RNF111: variants seen among roughly 807,000 people sequenced by gnomAD.
The protein encoded by RNF111 is E3 ubiquitin-protein ligase Arkadia.
Under a neutral mutation model 95.1 loss-of-function variants are expected in RNF111, and 17 were observed. The ratio of observed to expected loss-of-function variants is 0.18; its 90% confidence interval spans 0.12 to 0.27. The LOEUF (loss-of-function observed/expected upper bound fraction) is 0.27, where lower values mean the gene tolerates loss of function less well. Ranked by LOEUF, RNF111 falls within the 10% of genes least tolerant of loss-of-function variation. RNF111 has a pLI of 1.00. For synonymous variants in RNF111, 440 were observed against 414.8 expected (o/e 1.06, Z -0.74); for missense variants, 1,189 against 1,210.4 (o/e 0.98, Z 0.26).
intron 2 of RNF111, among the ~76,000 whole-genome samples, chr15:59,034,422 T>TAA (rs1567231819): frequency 6.6e-6 from 1 of 152,216 alleles, no homozygotes; most frequent in African/African-American, 2.4e-5. Context: ...GTGATGATAA[T>TAA]AAAAATATCT....
chr15:59,076,637 A>C (rs1341405444), intron 7 of RNF111, among the ~76,000 whole-genome samples: 1 of 152,200 alleles, frequency 6.6e-6, no homozygotes, highest in East Asian at 1.9e-4. Context: ...AGGCAGGAGG[A>C]TGGCTTGAGG....
chr15:59,055,531 C>T lies in RNF111; in HGVS notation c.1008-151C>T, dbSNP rs1006694060. On this transcript the variant is annotated intron_variant, in intron 3 of 13. Coordinates refer to ENST00000348370, the MANE Select transcript of RNF111 (RefSeq NM_017610.8). ...TATATTCTTAGGTCAATTAGTTTACCGAGTGCCAGTCATGATTTTTAATTA... is the reference window on the plus strand; with the variant it reads ...TATATTCTTAGGTCAATTAGTTTACTGAGTGCCAGTCATGATTTTTAATTA... The T allele has an allele frequency of 9.5e-5, 31 of 324,656 alleles. No homozygotes were observed. The African/African-American group carries it at 1.7e-3, about 18-fold the overall frequency. The allele number at this position is 324,656 out of a possible 1,614,324, so 20.1% of individuals were successfully genotyped here. A position where few individuals can be genotyped will look rare whatever the true frequency, so the allele number is the denominator to read the frequency against.
intron 1 of RNF111, among the ~76,000 whole-genome samples, chr15:59,023,245 C>A (rs2141674222): frequency 6.6e-6 from 1 of 152,120 alleles, no homozygotes; most frequent in South Asian, 2.1e-4. Context: ...AAGACTCAAT[C>A]TCAAAGAAAA....
chr15:59,012,607 A>G (rs956147722), intron 1 of RNF111, among the ~76,000 whole-genome samples: 16 of 152,352 alleles, frequency 1.1e-4, no homozygotes, highest in Admixed American at 7.8e-4. Flanking sequence ...GGATGTTTTA[A>G]TAGAAAAATT....
Position 59,026,925 on chromosome 15 carries a change from C to G in RNF111, c.-19-3879C>G, listed in dbSNP as rs375305172. On this transcript the variant is annotated intron_variant, in intron 1 of 13. Coordinates refer to ENST00000348370, the MANE Select transcript of RNF111 (RefSeq NM_017610.8). Reference sequence around the variant, plus strand: ...ATACACCAAACCACCCCCCCTTGCTCTCCTCTACCCTTGTCTCATTGGACA... The same window carrying G: ...ATACACCAAACCACCCCCCCTTGCTGTCCTCTACCCTTGTCTCATTGGACA... Among the ~76,000 whole-genome samples, 5 of 152,296 alleles carry G rather than the reference C, an allele frequency of 3.3e-5. No homozygotes were observed. In the East Asian group the frequency reaches 9.6e-4, roughly 29 times the overall value.
In RNF111 at chr15:59,062,051, C is replaced by CTTT. The variant is rs71119429; in HGVS notation, c.1366+3518_1366+3520dup. Among the ~76,000 whole-genome samples the CTTT allele has an allele frequency of 1.1e-3, 138 of 122,240 alleles. 2 individuals carry two copies. The Middle Eastern group carries it at 0.028, about 25-fold the overall frequency. The allele number at this position is 122,240 out of a possible 152,430, so 80.2% of individuals were successfully genotyped here. On this transcript the variant is annotated intron_variant, in intron 5 of 13. Coordinates refer to ENST00000348370, the MANE Select transcript of RNF111 (RefSeq NM_017610.8). ...TGACCACTATATTTGTTTTAAACTT[C>CTTT]TTTTTTTTTTTTTTTTTTTCCCCGA... is the stretch of plus-strand genomic sequence containing the variant.
chr15:59,028,425 A>G (rs139093709), intron 1 of RNF111, among the ~76,000 whole-genome samples: 1 of 152,084 alleles, frequency 6.6e-6, no homozygotes, highest in Non-Finnish European at 1.5e-5. Flanking sequence ...AGTTTAATTT[A>G]TAAATTAGGC....
intron 6 of RNF111, among the ~76,000 whole-genome samples, chr15:59,069,513 G>A (rs540784033): frequency 6.6e-6 from 1 of 152,184 alleles, no homozygotes; most frequent in East Asian, 1.9e-4. Context: ...GCTTGAGTCA[G>A]TTGTAGGTAG....
At chr15:59,074,702 A>T (rs988296619) in intron 6 of RNF111, among the ~76,000 whole-genome samples, 1 of 152,164 alleles carries the variant, frequency 6.6e-6, no homozygotes, top group African/African-American at 2.4e-5. Context: ...TCAGTTTCTT[A>T]TCATTTGTGT....
intron 2 of RNF111, among the ~76,000 whole-genome samples, chr15:59,050,548 C>T (rs894327018): frequency 5.3e-5 from 8 of 152,002 alleles, no homozygotes; most frequent in Admixed American, 4.6e-4. Context: ...CAAAATGGAC[C>T]GTAAAATACG....
chr15:59,018,558 A>G (rs965334526), intron 1 of RNF111, among the ~76,000 whole-genome samples: 4 of 152,308 alleles, frequency 2.6e-5, no homozygotes, highest in Admixed American at 6.5e-5. Context: ...TTAGAAAAAA[A>G]ACAAACTATA....
At chr15:58,993,084 G>A (rs1219853116) in intron 1 of RNF111, among the ~76,000 whole-genome samples, 1 of 151,596 alleles carries the variant, frequency 6.6e-6, no homozygotes, top group Non-Finnish European at 1.5e-5. Context: ...GCAGGAGAAT[G>A]ACTTGAACCC....
intron 1 of RNF111, among the ~76,000 whole-genome samples, chr15:58,990,923 G>A (rs1458033514): frequency 6.6e-6 from 1 of 152,014 alleles, no homozygotes; most frequent in African/African-American, 2.4e-5. Flanking sequence ...CAGATTCTTG[G>A]TAACAGCTGG....
intron 5 of RNF111, among the ~76,000 whole-genome samples, chr15:59,059,791 C>T (rs2042357156): frequency 6.6e-6 from 1 of 152,154 alleles, no homozygotes; most frequent in South Asian, 2.1e-4. Flanking sequence ...GATAATGGTA[C>T]AGAGATAGGA....
chr15:59,022,453 C>T (rs2040392754), intron 1 of RNF111, among the ~76,000 whole-genome samples: 1 of 152,202 alleles, frequency 6.6e-6, no homozygotes, highest in African/African-American at 2.4e-5. Flanking sequence ...ACTTTGACTT[C>T]CAGATTCTGA....
intron 2 of RNF111, among the ~76,000 whole-genome samples, chr15:59,034,301 G>A (rs1373832690): frequency 1.3e-5 from 2 of 152,086 alleles, no homozygotes; most frequent in Non-Finnish European, 2.9e-5. Context: ...TGTATCTTAA[G>A]GAATAATTAC....
rs1231138118 is a variant in RNF111, at chr15:59,096,238, C to T, written c.*1338C>T. The stretch of plus-strand genomic sequence containing the variant: ...ATTATTATCAAGATACTTTCATATA[C>T]AGGATAGCCTAATTTTATTTGTTTA... On this transcript the variant is annotated 3_prime_UTR_variant, in exon 14 of 14. Coordinates refer to ENST00000348370, the MANE Select transcript of RNF111 (RefSeq NM_017610.8). 11 of 394,354 alleles carry T rather than the reference C, an allele frequency of 2.8e-5. No homozygotes were observed. The highest frequency in any genetic ancestry group is 4.9e-5 in the Non-Finnish European group (11 of 223,638). The allele number at this position is 394,354 out of a possible 1,614,324, so 24.4% of individuals were successfully genotyped here.
chr15:59,028,099 T>TTGG (rs199608380), intron 1 of RNF111, among the ~76,000 whole-genome samples: 4,106 of 152,310 alleles, frequency 0.027, 108 homozygotes, highest in African/African-American at 0.062. Flanking sequence ...AGTGTAGGGT[T>TTGG]TGGCCACCGC....
At position 59,091,168 on chromosome 15, in the gene RNF111, C is replaced by G. The variant is rs774769225; in HGVS notation, c.2739+14C>G. ...AAATACAAAAAGGTAAGAATTTATT[C>G]TATGAAACTTCTGGAGTGTTACTGA... is the stretch of plus-strand genomic sequence containing the variant. On this transcript the variant is annotated intron_variant, in intron 12 of 13. Coordinates refer to ENST00000348370, the MANE Select transcript of RNF111 (RefSeq NM_017610.8). 2 of 1,456,204 alleles carry G rather than the reference C, an allele frequency of 1.4e-6. No homozygotes were observed. Among genetic ancestry groups the G allele is most frequent in the South Asian group, 2.4e-5 (2 of 84,698 alleles). 90.2% of individuals were successfully genotyped at this position (1,456,204 alleles called of 1,614,324 possible). A position where few individuals can be genotyped will look rare whatever the true frequency, so the allele number is the denominator to read the frequency against.
Sources: gnomAD v4.1 joint callset for allele counts (sites outside exome capture counted in the v4.1 genomes callset) on GRCh38, gnomAD v4.1.1 for gene constraint, MANE v1.5 for transcripts, NCBI Gene and HGNC (gene_info 2026-07-23, HGNC 2026-07-21) for gene names.